Variants in AHNAK observed in about 807,000 individuals in gnomAD.
AHNAK encodes neuroblast differentiation-associated protein AHNAK.
Under a neutral mutation model 37.8 loss-of-function variants are expected in AHNAK, and 23 were observed. The observed-to-expected ratio is 0.61, with a 90% CI of 0.44 to 0.86. The LOEUF (loss-of-function observed/expected upper bound fraction) is 0.86. AHNAK is among the 40% of genes least tolerant of loss of function. The probability of loss-of-function intolerance (pLI) is 0.00; values close to 1 mark genes in which losing one functional copy is unlikely to be tolerated. For missense variants in AHNAK, 7,411 were observed against 7,319.4 expected, an observed-to-expected ratio of 1.01 and a Z score of -0.46; for synonymous variants, 2,481 against 2,636.3, an observed-to-expected ratio of 0.94 and a Z score of 1.80.
At chr11:62,493,015 T>C (rs1214104755) in intron 4 of AHNAK, among the ~76,000 whole-genome samples, 3 of 138,066 alleles carry the variant, frequency 2.2e-5, no homozygotes, top group Admixed American at 6.9e-5. Context: ...TCTTTTCTTT[T>C]TTTTTTTTTT....
At chr11:62,461,143 C>CCTTT (rs750135297) in intron 5 of AHNAK, among the ~76,000 whole-genome samples, 1 of 79,838 alleles carries the variant, frequency 1.3e-5, no homozygotes, top group African/African-American at 4.8e-5. Flanking sequence ...CCAAATTCCC[C>CCTTT]TTTTTTTTTT....
chr11:62,515,431 C>A (rs184294436), downstream of AHNAK, among the ~76,000 whole-genome samples: 197 of 152,302 alleles, frequency 1.3e-3, 1 homozygote, highest in Middle Eastern at 0.024. Flanking sequence ...GCAGGAAAAT[C>A]GCTTGAACCC....
At chr11:62,476,746 A>G (rs1033031574) in intron 5 of AHNAK, among the ~76,000 whole-genome samples, 1 of 152,210 alleles carries the variant, frequency 6.6e-6, no homozygotes, top group Non-Finnish European at 1.5e-5. Flanking sequence ...TTAAACGACA[A>G]CTGTCGATGA....
At position 62,531,868 on chromosome 11, in the gene AHNAK, G is replaced by A; in HGVS notation, c.2549C>T (p.Pro850Leu). 1 of 1,612,762 alleles carries A rather than the reference G, an allele frequency of 6.2e-7. No homozygotes were observed. Residue 850 changes from proline (P) to leucine (L), a missense_variant, in exon 5 of 5, where the codon CCT (proline) becomes CTT (leucine). Transcript: ENST00000378024. ...TTTGGCACTTTTAAGTTCAACATCAGGAACTTTAATCTCACTTTCAACCTT... is the reference window on the plus strand; with the variant it reads ...TTTGGCACTTTTAAGTTCAACATCAAGAACTTTAATCTCACTTTCAACCTT... ...MPKVESEIKV[P>L]DVELKSAKMD... is the part of the protein sequence containing the mutation.
intron 5 of AHNAK, among the ~76,000 whole-genome samples, chr11:62,490,191 CTTTTTCTTTTT>C (rs1258180707): frequency 7.1e-6 from 1 of 141,274 alleles, no homozygotes; most frequent in African/African-American, 2.6e-5. Context: ...TCTTTCTTTT[CTTTTTCTTTTT>C]TTTTTTTTTT....
At chr11:62,500,220 C>T (rs751695912) in intron 4 of AHNAK, among the ~76,000 whole-genome samples, 1 of 152,170 alleles carries the variant, frequency 6.6e-6, no homozygotes, top group Non-Finnish European at 1.5e-5. Context: ...ACTCACAAAA[C>T]GAGGACCGTA....
chr11:62,481,787 G>A (rs1034181666), intron 5 of AHNAK, among the ~76,000 whole-genome samples: 3 of 151,014 alleles, frequency 2.0e-5, no homozygotes, highest in East Asian at 2.0e-4. Context: ...CCGTGGTCTC[G>A]ATCTCCTGAC....
chr11:62,488,565 A>AT (rs57544040), intron 5 of AHNAK, among the ~76,000 whole-genome samples: 2,538 of 133,942 alleles, frequency 0.019, 44 homozygotes, highest in Non-Finnish European at 0.024. Context: ...TGCCCAGCTA[A>AT]TTTTTTTTTT....
chr11:62,526,715 T>C lies in AHNAK; in HGVS notation c.7702A>G (p.Lys2568Glu). 1 of 1,613,378 alleles carries C rather than the reference T, an allele frequency of 6.2e-7. No individual in the cohort carries two copies. Among genetic ancestry groups the C allele is most frequent in the South Asian group, 1.1e-5 (1 of 91,048 alleles). The change falls in exon 5 of 5, where the codon AAG (lysine) becomes GAG (glutamate). Residue 2568 changes from lysine (K) to glutamate (E), a missense_variant. By Grantham distance (56) the Lys-to-Glu change is moderately conservative. Transcript: ENST00000378024. The part of the protein sequence containing the change: ...PEGKLKGPKL[K>E]MPEMNIKAPK... ...GCTTTGATGTTCATCTCTGGCATCT[T>C]TAACTTAGGCCCTTTCAACTTTCCC...
intron 5 of AHNAK, among the ~76,000 whole-genome samples, chr11:62,439,065 A>G (rs1231501172): frequency 6.8e-6 from 1 of 147,772 alleles, no homozygotes; most frequent in Non-Finnish European, 1.5e-5. Flanking sequence ...AGAGGGATGG[A>G]CACCCATCCC....
At position 62,525,327 on chromosome 11, in the gene AHNAK, G is replaced by C. The variant is rs1488309975; in HGVS notation, c.9090C>G (p.Phe3030Leu). ...LKMPKVKMPK[F>L]SMPGFKGEGP... ...CCTCTCCTTTGAAGCCAGGCATGCT[G>C]AATTTGGGCATTTTCACTTTGGGCA... Residue 3030 changes from phenylalanine (F) to leucine (L), a missense_variant, in exon 5 of 5, where the codon TTC becomes TTG. Transcript: ENST00000378024. The C allele has an allele frequency of 3.1e-6, 5 of 1,613,094 alleles. No individual in the cohort carries two copies. The highest frequency in any genetic ancestry group is 4.2e-6 in the Non-Finnish European group (5 of 1,179,846).
rs2134217660 is a variant in AHNAK at position 62,525,792 on chromosome 11, T to G, written c.8625A>C (p.Lys2875Asn). ...TAACATCTGGGACATCAATGTCCAC[T>G]TTGGGGCCTTTGAGGTCAACTTCAG... ...KGPEVDLKGP[K>N]VDIDVPDVNV... Residue 2875 changes from lysine (K) to asparagine (N), a missense_variant, in exon 5 of 5, where the codon AAA becomes AAC. Physicochemically the swap from Lys to Asn is moderately conservative, Grantham distance 94. Coordinates refer to ENST00000378024, the MANE Select transcript of AHNAK (RefSeq NM_001620.3). 1 of 1,613,698 alleles carries G rather than the reference T, an allele frequency of 6.2e-7. No individual in the cohort carries two copies. The highest frequency in any genetic ancestry group is 1.3e-5 in the African/African-American group (1 of 74,870).
Position 62,532,344 on chromosome 11 carries a change from A to C in AHNAK, c.2073T>G (p.Ser691Arg), listed in dbSNP as rs1940785133. The stretch of plus-strand genomic sequence containing the variant: ...GCATGGAGATCTTTGGTGTCTTGAC[A>C]CTCATATCAGGCAGCTTAACATCGG... ...KGPDVKLPDM[S>R]VKTPKISMPD... Residue 691 changes from serine to arginine, a missense_variant, in exon 5 of 5, where the codon AGT becomes AGG. By Grantham distance (110) the Ser-to-Arg change is moderately radical. Coordinates refer to ENST00000378024, the MANE Select transcript of AHNAK (RefSeq NM_001620.3). The C allele has an allele frequency of 9.3e-6, 15 of 1,614,044 alleles. No homozygotes were observed. The highest frequency in any genetic ancestry group is 1.3e-5 in the Non-Finnish European group (15 of 1,180,012).
At position 62,528,119 on chromosome 11, in the gene AHNAK, G is replaced by C. The variant is rs1306625315; in HGVS notation, c.6298C>G (p.Leu2100Val). ...GGCATCTTAAGCTTGGGGCCCTTCA[G>C]CTTCCCTTCTGGACCTTCAAGGCTC... ...DVSLEGPEGK[L>V]KGPKLKMPEM... Residue 2100 changes from leucine (L) to valine (V), a missense_variant, in exon 5 of 5, where the codon CTG becomes GTG. Transcript: ENST00000378024. 4 of 1,610,290 alleles carry C rather than the reference G, an allele frequency of 2.5e-6. No individual in the cohort carries two copies. In the South Asian group the frequency reaches 4.4e-5, roughly 18 times the overall value.
chr11:62,470,794 C>A (rs2134847606), intron 5 of AHNAK, among the ~76,000 whole-genome samples: 1 of 151,792 alleles, frequency 6.6e-6, no homozygotes, highest in Admixed American at 6.6e-5. Flanking sequence ...TCTGTCACCT[C>A]TTTTTTCTTT....
rs753114301 is a variant in AHNAK, at chr11:62,520,040, A to G, written c.14377T>C (p.Phe4793Leu). The G allele has an allele frequency of 5.6e-6, 9 of 1,612,990 alleles. No homozygotes were observed. Among genetic ancestry groups the G allele is most frequent in the Non-Finnish European group, 7.6e-6 (9 of 1,179,832 alleles). Residue 4793 changes from phenylalanine to leucine, a missense_variant, in exon 5 of 5, where the codon TTC becomes CTC. By Grantham distance (22) the Phe-to-Leu change is conservative. Coordinates refer to ENST00000378024, the MANE Select transcript of AHNAK (RefSeq NM_001620.3). Reference sequence around the variant, plus strand: ...TCCACATCTGGACCTTCTCCTTTGAAGCCAGGCATGCTGAATTTGGGCATT... The same window carrying G: ...TCCACATCTGGACCTTCTCCTTTGAGGCCAGGCATGCTGAATTTGGGCATT... ...VKMPKFSMPG[F>L]KGEGPDVDVS...
chr11:62,521,968 G>T lies in AHNAK; in HGVS notation c.12449C>A (p.Ser4150Tyr). The T allele has an allele frequency of 6.2e-7, 1 of 1,613,504 alleles. No individual in the cohort carries two copies. Among genetic ancestry groups the T allele is most frequent in the Non-Finnish European group, 8.5e-7 (1 of 1,179,912 alleles). The change falls in exon 5 of 5, where the codon TCT (serine) becomes TAT (tyrosine). Residue 4150 changes from serine (S) to tyrosine (Y), a missense_variant. Physicochemically the swap from Ser to Tyr is moderately radical, Grantham distance 144. Transcript: ENST00000378024. Reference protein sequence around the residue: ...GPKMKGDVDVSLPKVEGDLKG... With the variant: ...GPKMKGDVDVYLPKVEGDLKG... ...GAGGTCGCCTTCCACTTTGGGCAGAGAAACGTCCACGTCGCCCTTCATCTT... is the reference window on the plus strand; with the variant it reads ...GAGGTCGCCTTCCACTTTGGGCAGATAAACGTCCACGTCGCCCTTCATCTT...
chr11:62,469,882 A>G (rs1045905625), intron 5 of AHNAK, among the ~76,000 whole-genome samples: 4 of 152,362 alleles, frequency 2.6e-5, no homozygotes, highest in East Asian at 1.9e-4. Context: ...CAAAGTGGAC[A>G]AGATAGGAAA....
Position 62,529,663 on chromosome 11 carries a change from C to A in AHNAK, c.4754G>T (p.Gly1585Val), listed in dbSNP as rs748331963. The A allele has an allele frequency of 1.2e-5, 19 of 1,614,008 alleles. No homozygotes were observed. The Admixed American group carries it at 2.5e-4, about 21-fold the overall frequency. Residue 1585 changes from glycine to valine, a missense_variant, in exon 5 of 5, where the codon GGA (glycine) becomes GTA (valine). Coordinates refer to ENST00000378024, the MANE Select transcript of AHNAK (RefSeq NM_001620.3). ...QTHKISMPDVGLNLKAPKLKT... is the reference protein window; with the variant it reads ...QTHKISMPDVVLNLKAPKLKT... ...CAGTTTAGGGGCTTTCAAATTAAGT[C>A]CAACATCAGGCATAGAGATTTTGTG...
Sources: gnomAD v4.1 joint callset for allele counts (sites outside exome capture counted in the v4.1 genomes callset) on GRCh38, gnomAD v4.1.1 for gene constraint, MANE v1.5 for transcripts, NCBI Gene and HGNC (gene_info 2026-07-23, HGNC 2026-07-21) for gene names.